Variants in DENND4A observed in about 807,000 individuals in gnomAD.
The protein encoded by DENND4A is C-myc promoter-binding protein.
DENND4A carries 70 observed loss-of-function variants against 199.3 expected under a neutral mutation model. The observed-to-expected ratio is 0.35, with a 90% CI of 0.29 to 0.43. DENND4A has a LOEUF of 0.43. DENND4A is among the 20% of genes least tolerant of loss of function. The pLI, the probability that DENND4A is intolerant of heterozygous loss-of-function variation, is 1.00. For synonymous variants in DENND4A, 686 were observed against 766.9 expected, an observed-to-expected ratio of 0.89 and a Z score of 1.74; for missense variants, 1,723 against 2,255.8, an observed-to-expected ratio of 0.76 and a Z score of 4.78.
In DENND4A at chr15:65,667,530, T is replaced by C. The variant is rs199699639; in HGVS notation, c.5160A>G (p.Val1720=). 1.9e-5 allele frequency: 30 copies of C among 1,613,972 alleles called. No individual in the cohort carries two copies. The Admixed American group carries it at 3.2e-4, about 17-fold the overall frequency. ...GCAAGTCAAGACGTCTGAAATACCA[T>C]ACCAGGTTCCAAAAAACAATTGGAT... ...DHHPIVFWNL[V]WYFRRLDLPS... The change falls in exon 29 of 33, where the codon GTA becomes GTG. Residue 1720 remains valine, a synonymous_variant. Transcript: ENST00000443035.
At chr15:65,734,117 C>T (rs1324423388) in intron 7 of DENND4A, among the ~76,000 whole-genome samples, 3 of 152,102 alleles carry the variant, frequency 2.0e-5, no homozygotes, top group Non-Finnish European at 4.4e-5. Flanking sequence ...GAAGGCATGC[C>T]TCTTGCAGTT....
intron 4 of DENND4A, among the ~76,000 whole-genome samples, chr15:65,751,583 A>G (rs1013212837): frequency 3.9e-5 from 6 of 152,176 alleles, no homozygotes; most frequent in Non-Finnish European, 5.9e-5. Context: ...GAGGCACTCC[A>G]TTGTGTAGGG....
At chr15:65,700,246 A>G (rs1596469472) in intron 20 of DENND4A, among the ~76,000 whole-genome samples, 1 of 152,086 alleles carries the variant, frequency 6.6e-6, no homozygotes, top group African/African-American at 2.4e-5. Flanking sequence ...AGAATTTATT[A>G]TAAGAAAATG....
chr15:65,791,543 G>A (rs2077723638), intron 1 of DENND4A, among the ~76,000 whole-genome samples: 1 of 151,838 alleles, frequency 6.6e-6, no homozygotes, highest in South Asian at 2.1e-4. Flanking sequence ...GCGGGCCGGG[G>A]AAGGCTGAAC....
chr15:65,705,837 C>A, intron 15 of DENND4A: 1 of 248,594 alleles, frequency 4.0e-6, no homozygotes, highest in Non-Finnish European at 6.4e-6. Context: ...TGAATGTAAT[C>A]AACATTTACA....
At position 65,729,245 on chromosome 15, in the gene DENND4A, C is replaced by T. The variant is rs2075891621; in HGVS notation, c.1314G>A (p.Met438Ile). The T allele has an allele frequency of 1.9e-6, 3 of 1,569,468 alleles. No individual in the cohort carries two copies. In the African/African-American group the frequency reaches 4.1e-5, roughly 21 times the overall value. The stretch of plus-strand genomic sequence containing the variant: ...GGCATGGCCAGTGGAAAGGGAAAAT[C>T]ATCTTGGATAAACAAAAGATAGGAG... ...LTSVTEALVS[M>I]IFPFHWPCPY... is the part of the protein sequence containing the mutation. Residue 438 changes from methionine to isoleucine, a missense_variant and splice_region_variant, in exon 11 of 33, where the codon ATG (methionine) becomes ATA (isoleucine). Transcript: ENST00000443035.
At chr15:65,750,894 G>T (rs768387788) in intron 4 of DENND4A, among the ~76,000 whole-genome samples, 1 of 152,130 alleles carries the variant, frequency 6.6e-6, no homozygotes, top group Non-Finnish European at 1.5e-5. Flanking sequence ...GATCACTCTT[G>T]TCTATGCAAA....
intron 24 of DENND4A, among the ~76,000 whole-genome samples, chr15:65,674,970 A>G (rs565570539): frequency 1.3e-5 from 2 of 152,316 alleles, no homozygotes; most frequent in East Asian, 3.9e-4. Context: ...TGATGGATAC[A>G]TGGGGGTTCA....
chr15:65,725,714 C>T (rs2075787258), intron 11 of DENND4A, among the ~76,000 whole-genome samples: 1 of 151,902 alleles, frequency 6.6e-6, no homozygotes, highest in Non-Finnish European at 1.5e-5. Context: ...AAAGAACCAC[C>T]TCACAAAGTA....
chr15:65,676,141 A>AAAAAAAAATATATATAT (rs1362535499), intron 24 of DENND4A, among the ~76,000 whole-genome samples: 1 of 110,452 alleles, frequency 9.1e-6, no homozygotes, highest in African/African-American at 3.0e-5. Flanking sequence ...AATAAGGAAA[A>AAAAAAAAATATATATAT]ATATATATAT....
At chr15:65,696,807 A>G (rs905139718) in intron 21 of DENND4A, 7 of 277,632 alleles carry the variant, frequency 2.5e-5, no homozygotes, top group Non-Finnish European at 5.0e-5. Flanking sequence ...AATCCATTAA[A>G]CAAACTTTTT....
At chr15:65,715,429 A>G in intron 14 of DENND4A, 49 bp downstream of exon 14, 3 of 1,517,912 alleles carry the variant, frequency 2.0e-6, no homozygotes, top group Middle Eastern at 1.7e-4. Flanking sequence ...TAACATTTAT[A>G]ACAGTCACAC....
At chr15:65,684,725 T>A (rs1312620257) in intron 23 of DENND4A, among the ~76,000 whole-genome samples, 1 of 152,120 alleles carries the variant, frequency 6.6e-6, no homozygotes, top group East Asian at 1.9e-4. Context: ...AACTTATCAA[T>A]TTTTCCTTTT....
intron 1 of DENND4A, among the ~76,000 whole-genome samples, chr15:65,777,859 C>T (rs2077323379): frequency 6.6e-6 from 1 of 151,978 alleles, no homozygotes; most frequent in African/African-American, 2.4e-5. Flanking sequence ...TACGGTGAAA[C>T]CCTGTCTCAA....
intron 4 of DENND4A, among the ~76,000 whole-genome samples, chr15:65,744,959 A>G (rs977248143): frequency 6.6e-5 from 10 of 152,248 alleles, no homozygotes; most frequent in African/African-American, 2.2e-4. Flanking sequence ...GACAAGTTAC[A>G]TAAGTATTTT....
chr15:65,743,783 T>A (rs1422079162), intron 4 of DENND4A, among the ~76,000 whole-genome samples: 1 of 152,148 alleles, frequency 6.6e-6, no homozygotes, highest in Non-Finnish European at 1.5e-5. Flanking sequence ...AAGGCCCTGA[T>A]ACAAAAGTAT....
intron 7 of DENND4A, among the ~76,000 whole-genome samples, chr15:65,734,497 G>A (rs1596553672): frequency 6.6e-6 from 1 of 152,228 alleles, no homozygotes; most frequent in South Asian, 2.1e-4. Context: ...TATGCTGAAC[G>A]CTGGTTCCCC....
intron 20 of DENND4A, among the ~76,000 whole-genome samples, chr15:65,700,059 TTACAG>T (rs2074809444): frequency 6.6e-6 from 1 of 152,016 alleles, no homozygotes; most frequent in South Asian, 2.1e-4. Context: ...TGCAAAAACA[TTACAG>T]TACAGAGAGT....
chr15:65,720,542 G>A (rs1363536137), intron 12 of DENND4A, among the ~76,000 whole-genome samples: 1 of 151,674 alleles, frequency 6.6e-6, no homozygotes, highest in Non-Finnish European at 1.5e-5. Context: ...CTCCCAAGTA[G>A]CTGGGACAAC....
Sources: allele counts gnomAD v4.1 joint callset (sites outside exome capture counted in the v4.1 genomes callset), GRCh38; gene constraint gnomAD v4.1.1; transcripts MANE v1.5; gene names NCBI Gene and HGNC (gene_info 2026-07-23, HGNC 2026-07-21).